The following CNTNAP2 variants were observed in gnomAD, a reference collection of about 807,000 sequenced individuals.
CNTNAP2 encodes contactin-associated protein-like 2.
Under a neutral mutation model 155.2 loss-of-function variants are expected in CNTNAP2, and 98 were observed. The observed-to-expected ratio is 0.63, with a 90% CI of 0.54 to 0.75. The LOEUF is 0.75. Among genes scored for constraint, CNTNAP2 ranks in the 30% least tolerant of loss-of-function variants. The pLI is 0.00. For synonymous variants in CNTNAP2, 651 were observed against 631.2 expected, an observed-to-expected ratio of 1.03 and a Z score of -0.47; for missense variants, 1,727 against 1,688.1, an observed-to-expected ratio of 1.02 and a Z score of -0.40.
chr7:148,365,704 T>G lies in CNTNAP2; in HGVS notation c.3476-17945T>G, dbSNP rs548186978. 9.1e-3 allele frequency among the ~76,000 whole-genome samples: 495 copies of G among 54,556 alleles called. 44 individuals carry two copies. Among genetic ancestry groups the G allele is most frequent in the African/African-American group, 0.023 (399 of 17,172 alleles). 35.8% of individuals were successfully genotyped at this position (54,556 alleles called of 152,430 possible). A position where few individuals can be genotyped will look rare whatever the true frequency, so the allele number is the denominator to read the frequency against. The stretch of plus-strand genomic sequence containing the variant: ...TGTATATATATGTATATATGTATAC[T>G]TTTATATATATGTATACGTGTATAT... On this transcript the variant is annotated intron_variant, in intron 21 of 23. Transcript: ENST00000361727.
In CNTNAP2 at chr7:147,505,893, C is replaced by G. The variant is rs371436327; in HGVS notation, c.1777+19852C>G. Among the ~76,000 whole-genome samples, 43 of 152,146 alleles carry G rather than the reference C, an allele frequency of 2.8e-4. 2 individuals carry two copies. The highest frequency in any genetic ancestry group is 1.0e-3 in the African/African-American group (42 of 41,512). On this transcript the variant is annotated intron_variant, in intron 11 of 23. Transcript: ENST00000361727. ...TTTCCAGGTGCAGAAAGATCAGAGTCAAATGGGTTTGGATCAGATCTTGTA... is the reference window on the plus strand; with the variant it reads ...TTTCCAGGTGCAGAAAGATCAGAGTGAAATGGGTTTGGATCAGATCTTGTA...
chr7:147,508,157 A>G (rs759042421), intron 11 of CNTNAP2, among the ~76,000 whole-genome samples: 69 of 152,332 alleles, frequency 4.5e-4, no homozygotes, highest in Middle Eastern at 6.8e-3. Context: ...ACCAGCACAT[A>G]GTAGAAATGT....
In CNTNAP2 at chr7:146,754,163, G is replaced by T. The variant is rs1023074287; in HGVS notation, c.98-20108G>T. On this transcript the variant is annotated intron_variant, in intron 1 of 23. Coordinates refer to ENST00000361727, the MANE Select transcript of CNTNAP2 (RefSeq NM_014141.6). The stretch of plus-strand genomic sequence containing the variant: ...TGATTCCCTTAAGGCAACCACCCAT[G>T]AAAGTTGCATTCAGACTCTTCATTC... Among the ~76,000 whole-genome samples, 3 of 151,874 alleles carry T rather than the reference G, an allele frequency of 2.0e-5. No homozygotes were observed. The East Asian group carries it at 5.8e-4, about 29-fold the overall frequency.
intron 1 of CNTNAP2, among the ~76,000 whole-genome samples, chr7:146,504,250 A>G (rs1329019810): frequency 6.6e-6 from 1 of 151,668 alleles, no homozygotes; most frequent in Non-Finnish European, 1.5e-5. Flanking sequence ...AGGGAGCAAC[A>G]ACTCACTACT....
intron 1 of CNTNAP2, among the ~76,000 whole-genome samples, chr7:146,280,341 T>C (rs1377213382): frequency 6.6e-6 from 1 of 152,168 alleles, no homozygotes; most frequent in Non-Finnish European, 1.5e-5. Flanking sequence ...CGAACTTTTA[T>C]TTTCTTTCCT....
At chr7:146,831,475 A>G (rs1803510686) in intron 2 of CNTNAP2, among the ~76,000 whole-genome samples, 1 of 151,928 alleles carries the variant, frequency 6.6e-6, no homozygotes, top group African/African-American at 2.4e-5. Flanking sequence ...CGAGAGATCG[A>G]GACCAGCTTA....
chr7:147,857,269 C>A (rs1799055132), intron 13 of CNTNAP2, among the ~76,000 whole-genome samples: 2 of 152,148 alleles, frequency 1.3e-5, no homozygotes, highest in Admixed American at 1.3e-4. Flanking sequence ...GGAATTCTTA[C>A]ATTTGTCTCC....
intron 3 of CNTNAP2, among the ~76,000 whole-genome samples, chr7:146,872,663 A>G (rs548605897): frequency 1.3e-5 from 2 of 152,352 alleles, no homozygotes; most frequent in African/African-American, 4.8e-5. Flanking sequence ...TGCATCCCAA[A>G]CATATCAAAA....
intron 1 of CNTNAP2, among the ~76,000 whole-genome samples, chr7:146,132,945 G>A (rs1797739030): frequency 6.8e-6 from 1 of 148,104 alleles, no homozygotes; most frequent in African/African-American, 2.5e-5. Flanking sequence ...GGATGGCTGG[G>A]TCAAATGGTA....
chr7:146,331,094 G>A (rs1365257329), intron 1 of CNTNAP2, among the ~76,000 whole-genome samples: 1 of 152,012 alleles, frequency 6.6e-6, no homozygotes, highest in African/African-American at 2.4e-5. Context: ...CACGAGGTCA[G>A]GAGATCGAGA....
intron 1 of CNTNAP2, among the ~76,000 whole-genome samples, chr7:146,748,729 A>G (rs1801854679): frequency 6.6e-6 from 1 of 152,208 alleles, no homozygotes; most frequent in Non-Finnish European, 1.5e-5. Flanking sequence ...AGTTCTTAAA[A>G]TAAATAAACT....
chr7:146,623,633 A>G (rs1280861584), intron 1 of CNTNAP2, among the ~76,000 whole-genome samples: 2 of 152,148 alleles, frequency 1.3e-5, no homozygotes, highest in Non-Finnish European at 2.9e-5. Flanking sequence ...TAGTTGTATC[A>G]CAGTTTATCC....
intron 8 of CNTNAP2, among the ~76,000 whole-genome samples, chr7:147,223,111 C>T (rs1205896664): frequency 6.6e-6 from 1 of 152,170 alleles, no homozygotes; most frequent in Admixed American, 6.5e-5. Flanking sequence ...GTGTGGGACC[C>T]GTCCTTTGAC....
At chr7:148,358,683 CG>C (rs1409180963) in intron 21 of CNTNAP2, among the ~76,000 whole-genome samples, 1 of 152,070 alleles carries the variant, frequency 6.6e-6, no homozygotes, top group Non-Finnish European at 1.5e-5. Context: ...CTTTCAAGCG[CG>C]TAATCAGGAA....
Position 147,505,658 on chromosome 7 carries a change from C to T in CNTNAP2, c.1777+19617C>T, listed in dbSNP as rs545861131. On this transcript the variant is annotated intron_variant, in intron 11 of 23. Transcript: ENST00000361727. ...TTCTTAATTTTGCTTTCTCTTTTTC[C>T]AGCTTCTTTTTATGTAATGCTATCG... Among the ~76,000 whole-genome samples the T allele has an allele frequency of 2.6e-5, 4 of 152,160 alleles. No individual in the cohort carries two copies. The South Asian group carries it at 8.3e-4, about 32-fold the overall frequency.
At chr7:147,998,142 C>T (rs1157672124) in intron 15 of CNTNAP2, among the ~76,000 whole-genome samples, 2 of 128,310 alleles carry the variant, frequency 1.6e-5, no homozygotes, top group East Asian at 5.2e-4. Flanking sequence ...GACGGAGTCT[C>T]ACCCTGCTGC....
At position 147,763,718 on chromosome 7, in the gene CNTNAP2, G is replaced by C. The variant is rs538103280; in HGVS notation, c.2098+124412G>C. Among the ~76,000 whole-genome samples the C allele has an allele frequency of 2.0e-5, 3 of 152,226 alleles. No individual in the cohort carries two copies. The East Asian group carries it at 5.8e-4, about 29-fold the overall frequency. ...CCCTTCTTGCTTCAGTAGTTTCCTG[G>C]GGCATGACTGTTTTGAGACAGCTGA... On this transcript the variant is annotated intron_variant, in intron 13 of 23. Coordinates refer to ENST00000361727, the MANE Select transcript of CNTNAP2 (RefSeq NM_014141.6).
chr7:147,407,467 C>CAAAAAAA (rs768738493), intron 10 of CNTNAP2, among the ~76,000 whole-genome samples: 16 of 64,904 alleles, frequency 2.5e-4, no homozygotes, highest in Non-Finnish European at 4.3e-4. Flanking sequence ...GACTCCCTCT[C>CAAAAAAA]AAAAAAAAAA....
At chr7:148,271,163 C>A (rs1310633451) in intron 21 of CNTNAP2, among the ~76,000 whole-genome samples, 1 of 152,164 alleles carries the variant, frequency 6.6e-6, no homozygotes, top group East Asian at 1.9e-4. Context: ...GCTGTAAGTA[C>A]AATACTGTCT....
Sources: allele counts gnomAD v4.1 joint callset (sites outside exome capture counted in the v4.1 genomes callset), GRCh38; gene constraint gnomAD v4.1.1; transcripts MANE v1.5; gene names NCBI Gene and HGNC (gene_info 2026-07-23, HGNC 2026-07-21).